TLK1: variants seen among roughly 807,000 people sequenced by gnomAD.
TLK1 encodes tousled like kinase 1.
A neutral mutation model predicts 105.3 loss-of-function variants in TLK1; 24 were observed. That is an observed-to-expected ratio of 0.23 (90% CI 0.17 to 0.32). The LOEUF (loss-of-function observed/expected upper bound fraction) is 0.32. Among genes scored for constraint, TLK1 ranks in the 10% least tolerant of loss-of-function variants. The probability of loss-of-function intolerance (pLI) is 1.00; values close to 1 mark genes in which losing one functional copy is unlikely to be tolerated. For synonymous variants in TLK1, 321 were observed against 310.4 expected, an observed-to-expected ratio of 1.03 and a Z score of -0.36; for missense variants, 558 against 910.5, an observed-to-expected ratio of 0.61 and a Z score of 4.98.
At chr2:171,191,376 CT>C (rs150515411) in intron 1 of TLK1, among the ~76,000 whole-genome samples, 15,549 of 151,188 alleles carry the variant, frequency 0.1, 1,184 homozygotes, top group African/African-American at 0.21. Flanking sequence ...CAAGACCAAC[CT>C]GGGCAACATG....
Position 171,137,430 on chromosome 2 carries a change from A to G in TLK1, c.140-19573T>C, listed in dbSNP as rs142794812. 7.1e-3 allele frequency among the ~76,000 whole-genome samples: 1,078 copies of G among 152,266 alleles called. 11 individuals carry two copies. Among genetic ancestry groups the G allele is most frequent in the Middle Eastern group, 0.017 (5 of 294 alleles). On this transcript the variant is annotated intron_variant, in intron 1 of 20. Coordinates refer to ENST00000431350, the MANE Select transcript of TLK1 (RefSeq NM_012290.5). ...ATGAAGTGATTTTTTAAAAAATAAA[A>G]AGCCATAGCCTTTTCTGTGGCTTTT...
At chr2:171,140,829 T>A (rs1446843940) in intron 1 of TLK1, among the ~76,000 whole-genome samples, 1 of 152,094 alleles carries the variant, frequency 6.6e-6, no homozygotes, top group African/African-American at 2.4e-5. Flanking sequence ...CCCAAAGGTA[T>A]CTAGATAATT....
chr2:171,231,050 T>C (rs1041743024), intron 1 of TLK1: 1 of 152,182 alleles, frequency 6.6e-6, no homozygotes, highest in Non-Finnish European at 1.5e-5. Flanking sequence ...TTGACATATA[T>C]TAACTTTTGT....
chr2:171,033,388 A>C lies in TLK1; in HGVS notation c.1170-4983T>G, dbSNP rs182373292. Among the ~76,000 whole-genome samples, 3 of 149,658 alleles carry C rather than the reference A, an allele frequency of 2.0e-5. No individual in the cohort carries two copies. The East Asian group carries it at 5.8e-4, about 29-fold the overall frequency. On this transcript the variant is annotated intron_variant, in intron 11 of 20. Transcript: ENST00000431350. ...AATTAAAACAACTGAATTCATGGAG[A>C]TAGAGAGTAGGATGATGGTTACTAG... is the stretch of plus-strand genomic sequence containing the variant.
At chr2:171,105,350 A>C (rs1443646622) in intron 2 of TLK1, among the ~76,000 whole-genome samples, 1 of 152,236 alleles carries the variant, frequency 6.6e-6, no homozygotes, top group Non-Finnish European at 1.5e-5. Context: ...CTCTTGAAAG[A>C]AGTAACCATA....
intron 2 of TLK1, among the ~76,000 whole-genome samples, chr2:171,110,400 T>C (rs1342066189): frequency 6.6e-6 from 1 of 152,144 alleles, no homozygotes; most frequent in Non-Finnish European, 1.5e-5. Flanking sequence ...ACCTGGGAAG[T>C]GGAGGTTGCA....
At chr2:171,052,755 G>T (rs1002732498) in intron 8 of TLK1, among the ~76,000 whole-genome samples, 1 of 152,198 alleles carries the variant, frequency 6.6e-6, no homozygotes, top group African/African-American at 2.4e-5. Flanking sequence ...TGGTAAATGG[G>T]TGTGAGAAAG....
rs183891101 is a variant in TLK1 at position 171,080,304 on chromosome 2, T to C, written c.330+2477A>G. ...ATTGGAGAATGGATTACCAAAAGAA[T>C]AGTGACATCAGAAGACAATGAAATA... On this transcript the variant is annotated intron_variant, in intron 3 of 20. Transcript: ENST00000431350. 5.4e-4 allele frequency among the ~76,000 whole-genome samples: 82 copies of C among 151,624 alleles called. 1 individual carries two copies. The highest frequency in any genetic ancestry group is 4.6e-3 in the South Asian group (22 of 4,804).
intron 11 of TLK1, 104 bp downstream of exon 11, chr2:171,046,070 A>G: frequency 9.6e-7 from 1 of 1,043,992 alleles, no homozygotes; most frequent in Non-Finnish European, 1.3e-6. Flanking sequence ...CCTGGTCTTA[A>G]TCATTTTTGC....
At chr2:171,001,329 G>T (rs897581083) in intron 18 of TLK1, among the ~76,000 whole-genome samples, 2 of 152,136 alleles carry the variant, frequency 1.3e-5, no homozygotes, top group Admixed American at 6.5e-5. Context: ...AGATATTGTT[G>T]TGTTTGGGGA....
intron 12 of TLK1, among the ~76,000 whole-genome samples, chr2:171,022,200 T>C (rs1439544232): frequency 6.6e-6 from 1 of 151,394 alleles, no homozygotes; most frequent in Non-Finnish European, 1.5e-5. Context: ...CAAGTTAAGG[T>C]TGTGTGATTA....
chr2:171,118,857 T>C (rs979449599), intron 1 of TLK1, among the ~76,000 whole-genome samples: 1 of 152,178 alleles, frequency 6.6e-6, no homozygotes, highest in Non-Finnish European at 1.5e-5. Flanking sequence ...TCTTATCTTT[T>C]GAAATTCCCT....
intron 2 of TLK1, among the ~76,000 whole-genome samples, chr2:171,103,264 T>TTATA (rs571890429): frequency 0.041 from 5,600 of 136,498 alleles, 568 homozygotes; most frequent in African/African-American, 0.15. Flanking sequence ...GATCTCAAAT[T>TTATA]TATATATATA....
chr2:171,218,250 G>A (rs1027756222), intron 1 of TLK1, among the ~76,000 whole-genome samples: 30 of 151,798 alleles, frequency 2.0e-4, no homozygotes, highest in African/African-American at 5.1e-4. Flanking sequence ...AGACTCCATC[G>A]CATAACAAAC....
intron 4 of TLK1, among the ~76,000 whole-genome samples, chr2:171,059,543 A>C (rs1230363978): frequency 1.3e-5 from 2 of 151,922 alleles, no homozygotes; most frequent in Non-Finnish European, 2.9e-5. Flanking sequence ...TTCTTTTTTT[A>C]AATTTCTGAC....
intron 13 of TLK1, among the ~76,000 whole-genome samples, chr2:171,013,415 C>A (rs1409582301): frequency 6.8e-6 from 1 of 147,842 alleles, no homozygotes. Context: ...AGGCGATCCT[C>A]CCTCCTCAGT....
chr2:171,163,041 C>G (rs530594499), upstream of TLK1, among the ~76,000 whole-genome samples: 1 of 152,364 alleles, frequency 6.6e-6, no homozygotes, highest in East Asian at 1.9e-4. Flanking sequence ...ATCCGCCCAC[C>G]TTGGCCTCCC....
chr2:171,023,287 A>G (rs1354812850), intron 12 of TLK1, among the ~76,000 whole-genome samples: 3 of 152,184 alleles, frequency 2.0e-5, no homozygotes, highest in African/African-American at 7.2e-5. Flanking sequence ...TTCGGTCTGC[A>G]AAGATACATT....
chr2:171,160,653 C>T lies in TLK1; in HGVS notation c.-225G>A. The T allele has an allele frequency of 1.6e-6, 1 of 608,454 alleles. No homozygotes were observed. The highest frequency in any genetic ancestry group is 2.6e-6 in the Non-Finnish European group (1 of 385,618). The allele number at this position is 608,454 out of a possible 1,614,324, so 37.7% of individuals were successfully genotyped here. A position where few individuals can be genotyped will look rare whatever the true frequency, so the allele number is the denominator to read the frequency against. On this transcript the variant is annotated 5_prime_UTR_variant, in exon 1 of 21. Coordinates refer to ENST00000431350, the MANE Select transcript of TLK1 (RefSeq NM_012290.5). This position sits in a 1 kb window ranked among gnomAD's most constrained non-coding sequence, Gnocchi z 4.4. ...CAGGGAGGAGGGAAAGGGGGAGAAG[C>T]GAGGGAGCGAGCGGGCGCGCCAGAG... is the stretch of plus-strand genomic sequence containing the variant.
Sources: allele counts gnomAD v4.1 joint callset (sites outside exome capture counted in the v4.1 genomes callset), GRCh38; gene constraint gnomAD v4.1.1; non-coding constraint Gnocchi (gnomAD v3.1); transcripts MANE v1.5; gene names NCBI Gene and HGNC (gene_info 2026-07-23, HGNC 2026-07-21).